LRBA: variants seen among roughly 807,000 people sequenced by gnomAD.
LRBA encodes lipopolysaccharide-responsive and beige-like anchor protein.
LRBA carries 176 observed loss-of-function variants against 330.0 expected under a neutral mutation model. The observed-to-expected ratio is 0.53, with a 90% CI of 0.47 to 0.60. The LOEUF (loss-of-function observed/expected upper bound fraction) is 0.60, where lower values mean the gene tolerates loss of function less well. Among genes scored for constraint, LRBA ranks in the 20% least tolerant of loss-of-function variants. The probability of loss-of-function intolerance (pLI) is 0.00; values close to 1 mark genes in which losing one functional copy is unlikely to be tolerated. For missense variants in LRBA, 3,259 were observed against 3,444.8 expected, an observed-to-expected ratio of 0.95 and a Z score of 1.35; for synonymous variants, 1,230 against 1,193.0, an observed-to-expected ratio of 1.03 and a Z score of -0.64.
chr4:150,978,445 G>C (rs1205687699), intron 2 of LRBA, among the ~76,000 whole-genome samples: 2 of 152,162 alleles, frequency 1.3e-5, no homozygotes, highest in African/African-American at 4.8e-5. Context: ...AGCCCAGACT[G>C]TGAAGACTAT....
At chr4:150,399,424 C>A (rs1045716457) in intron 47 of LRBA, among the ~76,000 whole-genome samples, 2 of 152,166 alleles carry the variant, frequency 1.3e-5, no homozygotes, top group African/African-American at 4.8e-5. Flanking sequence ...TTTGAAGACT[C>A]ATCCATTTTT....
At chr4:150,276,186 G>C (rs1276332040) in intron 56 of LRBA, among the ~76,000 whole-genome samples, 1 of 152,196 alleles carries the variant, frequency 6.6e-6, no homozygotes, top group Admixed American at 6.5e-5. Flanking sequence ...ATGGGGAAAG[G>C]ATTCCCTAAT....
chr4:150,359,841 G>A (rs900517455), intron 47 of LRBA, among the ~76,000 whole-genome samples: 5 of 151,866 alleles, frequency 3.3e-5, no homozygotes, highest in African/African-American at 4.8e-5. Flanking sequence ...TTAGCTGGGC[G>A]TGGTGGCGCG....
chr4:150,953,508 T>G (rs977823277), intron 2 of LRBA, among the ~76,000 whole-genome samples: 1 of 151,886 alleles, frequency 6.6e-6, no homozygotes, highest in Non-Finnish European at 1.5e-5. Context: ...GGATTGCAGG[T>G]GCGCACCGCC....
chr4:150,594,465 A>C (rs917912493), intron 38 of LRBA, among the ~76,000 whole-genome samples: 5 of 152,068 alleles, frequency 3.3e-5, no homozygotes, highest in African/African-American at 1.2e-4. Flanking sequence ...CTGTGAGCAT[A>C]TTCTACACAC....
At chr4:150,322,827 C>G (rs1274942256) in intron 49 of LRBA, among the ~76,000 whole-genome samples, 1 of 152,072 alleles carries the variant, frequency 6.6e-6, no homozygotes, top group African/African-American at 2.4e-5. Flanking sequence ...CAATTAAGTC[C>G]AACTATCTGA....
At chr4:150,718,081 A>T (rs142323264) in intron 36 of LRBA, among the ~76,000 whole-genome samples, 127 of 152,332 alleles carry the variant, frequency 8.3e-4, no homozygotes, top group African/African-American at 2.8e-3. Flanking sequence ...TCTGCATGAC[A>T]TAATTTTTTT....
intron 46 of LRBA, chr4:150,422,732 G>T: frequency 3.2e-6 from 3 of 947,882 alleles, no homozygotes; most frequent in East Asian, 2.6e-5. Context: ...ACCCACCTGA[G>T]GGCCCAAAGG....
intron 2 of LRBA, among the ~76,000 whole-genome samples, chr4:150,985,500 T>G (rs1349493564): frequency 2.1e-5 from 3 of 141,482 alleles, no homozygotes; most frequent in Non-Finnish European, 4.6e-5. Flanking sequence ...TAATATATAG[T>G]TTTTTTTTTT....
rs1285794046 is a variant in LRBA at position 150,934,629 on chromosome 4, T to G, written c.217-5564A>C. ...GCTCACATCTGTAATCCCAGCACTT[T>G]GGGAGGCAAAGGTGGGTGGATCACC... is the stretch of plus-strand genomic sequence containing the variant. On this transcript the variant is annotated intron_variant, in intron 2 of 56. Coordinates refer to ENST00000651943, the MANE Select transcript of LRBA (RefSeq NM_001364905.1). Among the ~76,000 whole-genome samples the G allele has an allele frequency of 3.3e-5, 5 of 152,132 alleles. 1 individual carries two copies. The highest frequency in any genetic ancestry group is 3.3e-4 in the Admixed American group (5 of 15,264).
intron 22 of LRBA, among the ~76,000 whole-genome samples, chr4:150,858,475 A>T (rs1751494086): frequency 6.6e-6 from 1 of 152,166 alleles, no homozygotes; most frequent in African/African-American, 2.4e-5. Flanking sequence ...TTATTTAGCA[A>T]TTAAATAAGG....
chr4:150,344,343 C>T (rs888645752), intron 48 of LRBA, among the ~76,000 whole-genome samples: 1 of 152,008 alleles, frequency 6.6e-6, no homozygotes, highest in Non-Finnish European at 1.5e-5. Context: ...AAATTATTTT[C>T]TTTATTTACT....
In LRBA at chr4:150,501,475, G is replaced by T. The variant is rs139809017; in HGVS notation, c.6331-10440C>A. 5.1e-3 allele frequency among the ~76,000 whole-genome samples: 778 copies of T among 152,196 alleles called. 5 individuals carry two copies. The highest frequency in any genetic ancestry group is 8.0e-3 in the Non-Finnish European group (541 of 67,998). ...AAAAATGCAAAAATTAGCTGGAGGTGGTGGTGTGTGCCTGTGGTCCCAGAT... is the reference window on the plus strand; with the variant it reads ...AAAAATGCAAAAATTAGCTGGAGGTTGTGGTGTGTGCCTGTGGTCCCAGAT... On this transcript the variant is annotated intron_variant, in intron 40 of 56. Transcript: ENST00000651943.
Position 150,321,431 on chromosome 4 carries a change from G to A in LRBA, c.7453-63C>T, listed in dbSNP as rs74905595. ...CCCAAATAGACAAGAAGGAAAAGAT[G>A]AAGAAAGACAAGAAAGAGAGGGGGT... On this transcript the variant is annotated intron_variant, in intron 49 of 56. Coordinates refer to ENST00000651943, the MANE Select transcript of LRBA (RefSeq NM_001364905.1). This position sits in a 1 kb window ranked among gnomAD's most constrained non-coding sequence, Gnocchi z 4.5. The A allele has an allele frequency of 1.6e-3, 2,168 of 1,394,206 alleles. 25 individuals are homozygous for A. The African/African-American group carries it at 0.029, about 18-fold the overall frequency. The allele number at this position is 1,394,206 out of a possible 1,614,324, so 86.4% of individuals were successfully genotyped here.
chr4:150,772,425 G>A (rs962686605), intron 34 of LRBA, among the ~76,000 whole-genome samples: 1 of 152,198 alleles, frequency 6.6e-6, no homozygotes, highest in African/African-American at 2.4e-5. Flanking sequence ...GTGTTTTCAA[G>A]CATTGCTTGG....
chr4:150,864,073 G>A lies in LRBA; in HGVS notation c.2766+3598C>T, dbSNP rs12646100. Among the ~76,000 whole-genome samples the A allele has an allele frequency of 6.1e-4, 93 of 152,170 alleles. 1 individual carries two copies. In the East Asian group the frequency reaches 0.017, roughly 28 times the overall value. On this transcript the variant is annotated intron_variant, in intron 22 of 56. Transcript: ENST00000651943. ...CTGTCTCACCCTCACAAGTAGCTGG[G>A]ACTACAGGCACTCACCACCACGCCC...
At chr4:150,695,336 T>C (rs1784529075) in intron 36 of LRBA, among the ~76,000 whole-genome samples, 1 of 152,166 alleles carries the variant, frequency 6.6e-6, no homozygotes, top group Non-Finnish European at 1.5e-5. Flanking sequence ...TTTTGTTTTG[T>C]TTTTGAGTCA....
intron 47 of LRBA, among the ~76,000 whole-genome samples, chr4:150,372,757 G>GTTATTTTTTTTTTTTTTTTTTTTTTTT (rs1554011240): frequency 6.9e-6 from 1 of 144,508 alleles, no homozygotes; most frequent in East Asian, 2.0e-4. Context: ...TACGCAGTAA[G>GTTATTTTTTTTTTTTTTTTTTTTTTTT]TTCTTACTAG....
At chr4:150,490,556 G>T (rs903769239) in intron 41 of LRBA, among the ~76,000 whole-genome samples, 1 of 151,722 alleles carries the variant, frequency 6.6e-6, no homozygotes, top group Non-Finnish European at 1.5e-5. Context: ...CATATGAATC[G>T]TTATTGTCCT....
Sources: allele counts gnomAD v4.1 joint callset (sites outside exome capture counted in the v4.1 genomes callset), GRCh38; gene constraint gnomAD v4.1.1; non-coding constraint Gnocchi (gnomAD v3.1); transcripts MANE v1.5; gene names NCBI Gene and HGNC (gene_info 2026-07-23, HGNC 2026-07-21).